The following ZNF462 variants were observed in gnomAD, a reference collection of about 807,000 sequenced individuals.
ZNF462 encodes the protein zinc finger PBX1-interacting protein.
In ZNF462, 10 loss-of-function variants were observed where a neutral mutation model predicts 201.9. The observed-to-expected ratio is 0.05, with a 90% CI of 0.03 to 0.08. The LOEUF (loss-of-function observed/expected upper bound fraction) is 0.08, where lower values mean the gene tolerates loss of function less well. ZNF462 is among the 10% of genes least tolerant of loss of function. The pLI, the probability that ZNF462 is intolerant of heterozygous loss-of-function variation, is 1.00. For missense variants in ZNF462, 2,523 were observed against 3,168.3 expected (o/e 0.80, Z 4.89); for synonymous variants, 1,227 against 1,193.3 (o/e 1.03, Z -0.58).
intron 7 of ZNF462, among the ~76,000 whole-genome samples, chr9:106,952,261 AAAT>A (rs1380145024): frequency 6.6e-6 from 1 of 152,242 alleles, no homozygotes; most frequent in African/African-American, 2.4e-5. Flanking sequence ...CTAATATGCA[AAAT>A]AATGATGCCG....
chr9:106,975,593 G>C (rs1484145743), intron 9 of ZNF462: 2 of 152,262 alleles, frequency 1.3e-5, no homozygotes, highest in Non-Finnish European at 2.9e-5. Context: ...AGGAATTCTT[G>C]GCCCGAGTGG....
At chr9:106,874,726 C>G (rs189448846) in intron 1 of ZNF462, among the ~76,000 whole-genome samples, 3 of 152,150 alleles carry the variant, frequency 2.0e-5, no homozygotes, top group Admixed American at 2.0e-4. Context: ...CATCTTCTCC[C>G]GTGGCTTTGC....
chr9:106,882,008 C>T (rs910851084), intron 1 of ZNF462, among the ~76,000 whole-genome samples: 1 of 152,154 alleles, frequency 6.6e-6, no homozygotes, highest in African/African-American at 2.4e-5. Context: ...TATCTAGAAT[C>T]CAAATGTCTT....
At chr9:106,971,574 C>A (rs1490032607) in intron 7 of ZNF462, among the ~76,000 whole-genome samples, 2 of 143,630 alleles carry the variant, frequency 1.4e-5, no homozygotes, top group Admixed American at 6.8e-5. Flanking sequence ...CATAATCATC[C>A]CTCTTAAAAA....
intron 1 of ZNF462, among the ~76,000 whole-genome samples, chr9:106,871,876 T>C (rs1027307759): frequency 6.6e-6 from 1 of 152,214 alleles, no homozygotes; most frequent in African/African-American, 2.4e-5. Flanking sequence ...CTTCTCTACC[T>C]ACACCCTGGG....
chr9:106,878,240 T>A (rs1587986147), intron 1 of ZNF462, among the ~76,000 whole-genome samples: 1 of 152,194 alleles, frequency 6.6e-6, no homozygotes, highest in East Asian at 1.9e-4. Flanking sequence ...TGGTGAAGCC[T>A]GAGAGGCATA....
At chr9:106,960,185 G>A (rs1007738148) in intron 7 of ZNF462, among the ~76,000 whole-genome samples, 2 of 151,974 alleles carry the variant, frequency 1.3e-5, no homozygotes, top group Non-Finnish European at 2.9e-5. Flanking sequence ...AGAGCTCTAC[G>A]TGTATCTAAA....
Position 106,883,970 on chromosome 9 carries a change from A to C in ZNF462, c.-31+20615A>C, listed in dbSNP as rs890256480. On this transcript the variant is annotated intron_variant, in intron 1 of 12. Transcript: ENST00000277225. The surrounding 1 kb of genome is among the most constrained non-coding windows in gnomAD (Gnocchi z 4.9). ...TGTTATGCTGTCTTCATTGCTCATA[A>C]AAAAATGTTTAAGCAACCACAAGTG... Among the ~76,000 whole-genome samples, 4 of 152,186 alleles carry C rather than the reference A, an allele frequency of 2.6e-5. No homozygotes were observed. Among genetic ancestry groups the C allele is most frequent in the African/African-American group, 9.6e-5 (4 of 41,458 alleles).
chr9:107,003,219 A>G lies in ZNF462; in HGVS notation c.7057-75A>G, dbSNP rs190960206. On this transcript the variant is annotated intron_variant, in intron 10 of 12. Transcript: ENST00000277225. This position sits in a 1 kb window ranked among gnomAD's most constrained non-coding sequence, Gnocchi z 4.4. ...CACAGTCACAGGAAAATGATGTTAG[A>G]AAGATCTCTCCATCAGGGAGAACCC... The G allele has an allele frequency of 3.0e-4, 474 of 1,562,232 alleles. No individual in the cohort carries two copies. The highest frequency in any genetic ancestry group is 2.4e-3 in the Middle Eastern group (14 of 5,804).
At chr9:106,996,300 G>A (rs1264173764) in intron 10 of ZNF462, among the ~76,000 whole-genome samples, 4 of 152,184 alleles carry the variant, frequency 2.6e-5, no homozygotes, top group African/African-American at 4.8e-5. Flanking sequence ...CTTTATAGCA[G>A]CATGATTTGT....
Position 106,962,632 on chromosome 9 carries a change from A to ATTTTG in ZNF462, c.6428-9358_6428-9354dup, listed in dbSNP as rs1201773241. 6.6e-6 allele frequency among the ~76,000 whole-genome samples: 1 copy of ATTTTG among 151,920 alleles called. No individual in the cohort carries two copies. The highest frequency in any genetic ancestry group is 1.5e-5 in the Non-Finnish European group (1 of 67,962). On this transcript the variant is annotated intron_variant, in intron 7 of 12. Coordinates refer to ENST00000277225, the MANE Select transcript of ZNF462 (RefSeq NM_021224.6). This position sits in a 1 kb window ranked among gnomAD's most constrained non-coding sequence, Gnocchi z 4.6. ...TGTTTGTATCATTTTGCAGGCTAAT[A>ATTTTG]TTTTGTTTTGTTTTGTTTTCTCAAT...
Position 106,878,550 on chromosome 9 carries a change from G to A in ZNF462, c.-31+15195G>A, listed in dbSNP as rs80080125. On this transcript the variant is annotated intron_variant, in intron 1 of 12. Coordinates refer to ENST00000277225, the MANE Select transcript of ZNF462 (RefSeq NM_021224.6). ...TCCTTTTGAGTGAGTACTAAGCACGGCTACAGTATGCCTAGGTGGTCAAAC... is the reference window on the plus strand; with the variant it reads ...TCCTTTTGAGTGAGTACTAAGCACGACTACAGTATGCCTAGGTGGTCAAAC... Among the ~76,000 whole-genome samples the A allele has an allele frequency of 5.1e-3, 771 of 152,276 alleles. 4 individuals carry two copies. Among genetic ancestry groups the A allele is most frequent in the African/African-American group, 0.017 (722 of 41,544 alleles).
In ZNF462 at chr9:106,932,877, A is replaced by G. The variant is rs892743163; in HGVS notation, c.6116+328A>G. The G allele has an allele frequency of 2.1e-5, 9 of 426,854 alleles. No individual in the cohort carries two copies. Among genetic ancestry groups the G allele is most frequent in the African/African-American group, 4.1e-5 (2 of 48,478 alleles). 26.4% of individuals were successfully genotyped at this position (426,854 alleles called of 1,614,324 possible). ...TCAAACATTCAGCCAAAATCTAGTCATTGTTTGAGGAAGTAAAGTCCATTT... is the reference window on the plus strand; with the variant it reads ...TCAAACATTCAGCCAAAATCTAGTCGTTGTTTGAGGAAGTAAAGTCCATTT... On this transcript the variant is annotated intron_variant, in intron 5 of 12. Transcript: ENST00000277225. The surrounding 1 kb of genome is among the most constrained non-coding windows in gnomAD (Gnocchi z 6.8).
intron 1 of ZNF462, among the ~76,000 whole-genome samples, chr9:106,882,514 A>G (rs1248029770): frequency 3.9e-5 from 6 of 152,226 alleles, no homozygotes; most frequent in Non-Finnish European, 7.3e-5. Context: ...TCTACAATCC[A>G]TATTATGTAC....
chr9:106,893,766 A>G (rs1013872232), intron 1 of ZNF462, among the ~76,000 whole-genome samples: 4 of 152,118 alleles, frequency 2.6e-5, no homozygotes, highest in African/African-American at 9.7e-5. Flanking sequence ...ATGTAATTTT[A>G]TTGTTATTTC....
Position 107,009,858 on chromosome 9 carries a change from C to T in ZNF462, c.7313+190C>T, listed in dbSNP as rs759575984. On this transcript the variant is annotated intron_variant, in intron 12 of 12. Transcript: ENST00000277225. The surrounding 1 kb of genome is among the most constrained non-coding windows in gnomAD (Gnocchi z 6.1). Reference sequence around the variant, plus strand: ...TTGTTTTTTAAAATGGTCACCCAGCCGCAAGTCAAATAGGGAAAAAAATCG... The same window carrying T: ...TTGTTTTTTAAAATGGTCACCCAGCTGCAAGTCAAATAGGGAAAAAAATCG... Among the ~76,000 whole-genome samples, 11 of 152,008 alleles carry T rather than the reference C, an allele frequency of 7.2e-5. No homozygotes were observed. The highest frequency in any genetic ancestry group is 1.3e-4 in the Non-Finnish European group (9 of 68,010).
intron 1 of ZNF462, among the ~76,000 whole-genome samples, chr9:106,914,448 G>C (rs1829684858): frequency 6.6e-6 from 1 of 152,172 alleles, no homozygotes; most frequent in Admixed American, 6.5e-5. Context: ...GCCCCAAGTT[G>C]GGGCAAGCGG....
At chr9:106,945,296 A>G (rs561744896) in intron 7 of ZNF462, among the ~76,000 whole-genome samples, 54 of 152,322 alleles carry the variant, frequency 3.5e-4, no homozygotes, top group African/African-American at 1.2e-3. Context: ...TGTTGAGTCT[A>G]TCAACTCATT....
chr9:106,980,613 AC>A (rs1827349888), intron 9 of ZNF462, among the ~76,000 whole-genome samples: 1 of 152,032 alleles, frequency 6.6e-6, no homozygotes, highest in Admixed American at 6.5e-5. Context: ...CTCTTGTTGC[AC>A]CTTAGTACAC....
Sources: gnomAD v4.1 joint callset for allele counts (sites outside exome capture counted in the v4.1 genomes callset) on GRCh38, gnomAD v4.1.1 for gene constraint, Gnocchi (gnomAD v3.1) non-coding constraint, MANE v1.5 for transcripts, NCBI Gene and HGNC (gene_info 2026-07-23, HGNC 2026-07-21) for gene names.